CPM: variants seen among roughly 807,000 people sequenced by gnomAD.
CPM encodes carboxypeptidase M.
CPM carries 35 observed loss-of-function variants against 46.4 expected under a neutral mutation model. The ratio of observed to expected loss-of-function variants is 0.75; its 90% CI spans 0.58 to 1.00. The LOEUF (loss-of-function observed/expected upper bound fraction) is 1.00, where lower values mean the gene tolerates loss of function less well. Ranked by LOEUF, CPM falls within the 50% of genes least tolerant of loss-of-function variation. CPM has a pLI of 0.00. For missense variants in CPM, 422 were observed against 530.4 expected, an observed-to-expected ratio of 0.80 and a Z score of 2.01; for synonymous variants, 195 against 195.3, an observed-to-expected ratio of 1.00 and a Z score of 0.01.
At chr12:68,876,867 GGT>G (rs141965346) in intron 3 of CPM, among the ~76,000 whole-genome samples, 5 of 150,214 alleles carry the variant, frequency 3.3e-5, no homozygotes, top group Admixed American at 6.7e-5. Flanking sequence ...AGTGTTGTGT[GGT>G]GTGTGTGTGT....
chr12:68,859,020 A>G lies in CPM; in HGVS notation c.992T>C (p.Ile331Thr), dbSNP rs1365235176. Residue 331 changes from isoleucine (I) to threonine (T), a missense_variant, in exon 8 of 9, where the codon ATT becomes ACT. Ile to Thr is a moderately conservative substitution (Grantham distance 89). Transcript: ENST00000551568. ...ATGTTTTCTGTCTTGGACTTCCACA[A>G]TTACATTGGGTAATGGATTTCCATT... ...DQNGNPLPNV[I>T]VEVQDRKHIC... 2 of 1,570,744 alleles carry G rather than the reference A, an allele frequency of 1.3e-6. No individual in the cohort carries two copies. The highest frequency in any genetic ancestry group is 1.7e-6 in the Non-Finnish European group (2 of 1,158,686).
chr12:68,860,927 C>A (rs1885182019), intron 7 of CPM, among the ~76,000 whole-genome samples: 1 of 151,652 alleles, frequency 6.6e-6, no homozygotes, highest in Admixed American at 6.6e-5. Flanking sequence ...GTCACCCAGG[C>A]TGGAGTGCAG....
intron 3 of CPM, among the ~76,000 whole-genome samples, chr12:68,876,196 C>G (rs543807805): frequency 6.6e-6 from 1 of 152,078 alleles, no homozygotes; most frequent in South Asian, 2.1e-4. Flanking sequence ...CAATAGTCCA[C>G]AACAAATCAC....
chr12:68,850,555 C>T (rs1474293548), downstream of CPM: 2 of 152,180 alleles, frequency 1.3e-5, no homozygotes, highest in Non-Finnish European at 2.9e-5. Context: ...TGTCCTATGA[C>T]TAAGTCGATA....
At chr12:68,856,752 AT>A (rs1158901841) in intron 8 of CPM, 73 bp from the exon 9 acceptor site, 52 of 1,548,626 alleles carry the variant, frequency 3.4e-5, no homozygotes, top group Non-Finnish European at 4.1e-5. Flanking sequence ...AAACACTGAT[AT>A]CCATCACTAA....
At chr12:68,948,786 C>T (rs1333906761) in intron 1 of CPM, among the ~76,000 whole-genome samples, 3 of 152,186 alleles carry the variant, frequency 2.0e-5, no homozygotes, top group Non-Finnish European at 4.4e-5. Context: ...TCTTGCTAGA[C>T]TCCTGCATCT....
chr12:68,890,462 C>T (rs1432736288), intron 2 of CPM, among the ~76,000 whole-genome samples: 1 of 151,962 alleles, frequency 6.6e-6, no homozygotes, highest in African/African-American at 2.4e-5. Context: ...ATCTTCACAC[C>T]TGTGAGGTGT....
intron 1 of CPM, among the ~76,000 whole-genome samples, chr12:68,956,932 C>T (rs527444795): frequency 3.9e-5 from 6 of 152,026 alleles, no homozygotes; most frequent in Non-Finnish European, 8.8e-5. Context: ...CTGTTTCTAC[C>T]CCTTTATTGG....
intron 1 of CPM, among the ~76,000 whole-genome samples, chr12:68,962,199 C>CAA (rs763014081): frequency 2.6e-3 from 77 of 29,434 alleles, no homozygotes; most frequent in African/African-American, 5.7e-3. Flanking sequence ...GACTCCATCT[C>CAA]AAAAAAAAAA....
intron 1 of CPM, among the ~76,000 whole-genome samples, chr12:68,939,841 C>T (rs1888733750): frequency 6.6e-6 from 1 of 152,018 alleles, no homozygotes; most frequent in Non-Finnish European, 1.5e-5. Context: ...AAATGTTTGC[C>T]AATTTCATAG....
chr12:68,863,614 T>A (rs1456743346), intron 7 of CPM, among the ~76,000 whole-genome samples: 2 of 152,198 alleles, frequency 1.3e-5, no homozygotes, highest in Non-Finnish European at 2.9e-5. Flanking sequence ...CAACTTTCTG[T>A]TGACTACACT....
In CPM at chr12:68,853,690, T is replaced by C. The variant is rs945435654; in HGVS notation, c.*2747A>G. 2 of 150,628 alleles carry C rather than the reference T, an allele frequency of 1.3e-5. No homozygotes were observed. Among genetic ancestry groups the C allele is most frequent in the Non-Finnish European group, 2.9e-5 (2 of 67,870 alleles). The allele number at this position is 150,628 out of a possible 1,614,324, so 9.3% of individuals were successfully genotyped here. On this transcript the variant is annotated 3_prime_UTR_variant, in exon 9 of 9. Coordinates refer to ENST00000551568, the MANE Select transcript of CPM (RefSeq NM_198320.5). ...CACCACACTTCTAGAAATCAGCCTA[T>C]ATTACTGTCACACTGGGGATTAAGT...
rs1277263807 is a variant in CPM at position 68,882,028 on chromosome 12, T to G, written c.258+3764A>C. Among the ~76,000 whole-genome samples, 141 of 150,746 alleles carry G rather than the reference T, an allele frequency of 9.4e-4. 1 individual carries two copies. Among genetic ancestry groups the G allele is most frequent in the African/African-American group, 2.6e-3 (106 of 40,990 alleles). Reference sequence around the variant, plus strand: ...TGAGCCACCACGCCCGGCCTGCTTTTTTTTTTTTTTTTTTTTTTAACATTT... The same window carrying G: ...TGAGCCACCACGCCCGGCCTGCTTTGTTTTTTTTTTTTTTTTTTAACATTT... On this transcript the variant is annotated intron_variant, in intron 3 of 8. Transcript: ENST00000551568.
At chr12:68,963,291 C>A, upstream of CPM, 1 of 186,014 alleles carries the variant, frequency 5.4e-6, no homozygotes, top group Non-Finnish European at 1.1e-5. Flanking sequence ...GCTGGGTTTC[C>A]TCACTCCATC....
At chr12:68,845,480 T>G (rs1884217776) in intron 5 of CPM, 1 of 204,820 alleles carries the variant, frequency 4.9e-6, no homozygotes, top group African/African-American at 2.3e-5. Flanking sequence ...CTGAAATGAT[T>G]GCTGTACTCA....
upstream of CPM, among the ~76,000 whole-genome samples, chr12:68,935,171 G>A (rs1888652582): frequency 6.6e-6 from 1 of 151,958 alleles, no homozygotes; most frequent in South Asian, 2.1e-4. Context: ...CGGCCTCCCA[G>A]ATCGCTGGGA....
chr12:68,946,968 A>G (rs938281146), intron 1 of CPM, among the ~76,000 whole-genome samples: 19 of 152,208 alleles, frequency 1.2e-4, no homozygotes, highest in African/African-American at 4.3e-4. Context: ...TCATAAAAAG[A>G]TTATTTTGGT....
At chr12:68,849,968 T>G (rs1884588899), downstream of CPM, 1 of 152,164 alleles carries the variant, frequency 6.6e-6, no homozygotes, top group African/African-American at 2.4e-5. Flanking sequence ...AATAGTTCTA[T>G]TCTCAGTTGT....
At chr12:68,943,720 G>T (rs1298587130) in intron 1 of CPM, among the ~76,000 whole-genome samples, 1 of 152,152 alleles carries the variant, frequency 6.6e-6, no homozygotes, top group Non-Finnish European at 1.5e-5. Context: ...GTCCTATTTA[G>T]CTGCATTTAA....
Sources: gnomAD v4.1 joint callset for allele counts (sites outside exome capture counted in the v4.1 genomes callset) on GRCh38, gnomAD v4.1.1 for gene constraint, MANE v1.5 for transcripts, NCBI Gene and HGNC (gene_info 2026-07-23, HGNC 2026-07-21) for gene names.